The following RGS7 variants were observed in gnomAD, a reference collection of about 807,000 sequenced individuals.
RGS7 encodes regulator of G protein signaling 7, also known as regulator of G-protein signaling 7.
A neutral mutation model predicts 81.1 loss-of-function variants in RGS7; 27 were observed. The observed-to-expected ratio is 0.33, with a 90% CI of 0.25 to 0.46. The LOEUF is 0.46. RGS7 is among the 20% of genes least tolerant of loss of function. The pLI is 1.00. For missense variants in RGS7, 396 were observed against 607.4 expected (o/e 0.65, Z 3.66); for synonymous variants, 208 against 207.7 (o/e 1.00, Z -0.01).
At chr1:241,066,146 A>G (rs2030233) in intron 3 of RGS7, among the ~76,000 whole-genome samples, 3,047 of 152,332 alleles carry the variant, frequency 0.02, 54 homozygotes, top group South Asian at 0.049. Flanking sequence ...AACTACCAAC[A>G]TTATGGAATT....
intron 3 of RGS7, among the ~76,000 whole-genome samples, chr1:240,987,652 T>C (rs1489361176): frequency 6.6e-6 from 1 of 151,950 alleles, no homozygotes; most frequent in Non-Finnish European, 1.5e-5. Context: ...GCCTCCCAAG[T>C]AGCTGGGATT....
At chr1:240,803,101 G>A in intron 15 of RGS7, 108 bp from the exon 16 acceptor site, 1 of 769,152 alleles carries the variant, frequency 1.3e-6, no homozygotes, top group Non-Finnish European at 2.3e-6. Flanking sequence ...GCGAAAAATA[G>A]TAATAACAAT....
intron 6 of RGS7, among the ~76,000 whole-genome samples, chr1:240,871,365 C>T (rs545717386): frequency 1.3e-5 from 2 of 152,164 alleles, no homozygotes; most frequent in South Asian, 2.1e-4. Context: ...GCTGGTATCA[C>T]TAAGGAAACA....
At chr1:240,821,528 T>A (rs1011283561) in intron 10 of RGS7, among the ~76,000 whole-genome samples, 1 of 152,238 alleles carries the variant, frequency 6.6e-6, no homozygotes, top group Non-Finnish European at 1.5e-5. Flanking sequence ...CTATACCCTT[T>A]ACTTGACACA....
At chr1:240,977,351 CTG>C (rs1300353125) in intron 4 of RGS7, among the ~76,000 whole-genome samples, 6 of 152,098 alleles carry the variant, frequency 3.9e-5, no homozygotes, top group African/African-American at 1.2e-4. Context: ...GCAATTTATT[CTG>C]TGTTTTGCAT....
chr1:241,220,650 G>A (rs975402356), intron 2 of RGS7, among the ~76,000 whole-genome samples: 1 of 151,838 alleles, frequency 6.6e-6, no homozygotes, highest in African/African-American at 2.4e-5. Context: ...CTAACCTTGG[G>A]GCAGGTGGAC....
intron 5 of RGS7, among the ~76,000 whole-genome samples, chr1:240,935,189 TG>T (rs1333901439): frequency 6.6e-6 from 1 of 152,110 alleles, no homozygotes; most frequent in Non-Finnish European, 1.5e-5. Context: ...TGAGCCACTG[TG>T]CCCGGCCTCG....
At chr1:241,223,720 A>G (rs1368531323) in intron 2 of RGS7, among the ~76,000 whole-genome samples, 1 of 152,166 alleles carries the variant, frequency 6.6e-6, no homozygotes, top group Non-Finnish European at 1.5e-5. Context: ...CAAAAAAAAA[A>G]AAAGAAAGAA....
At chr1:241,350,088 G>A (rs1193788274) in intron 2 of RGS7, among the ~76,000 whole-genome samples, 1 of 152,156 alleles carries the variant, frequency 6.6e-6, no homozygotes, top group Non-Finnish European at 1.5e-5. Context: ...AATCCCACAA[G>A]TAGCACTGAC....
chr1:241,346,149 A>AT (rs1351017163), intron 2 of RGS7, among the ~76,000 whole-genome samples: 4 of 14,676 alleles, frequency 2.7e-4, no homozygotes, highest in East Asian at 0.1. Context: ...ATAAAATTTG[A>AT]TAAAAAAAAC....
intron 2 of RGS7, among the ~76,000 whole-genome samples, chr1:241,265,596 A>G (rs548319278): frequency 6.6e-6 from 1 of 152,244 alleles, no homozygotes; most frequent in South Asian, 2.1e-4. Flanking sequence ...TAGGTCAGAC[A>G]AGCAAACTAA....
chr1:240,780,882 C>G (rs1364739586), intron 18 of RGS7, among the ~76,000 whole-genome samples: 1 of 147,134 alleles, frequency 6.8e-6, no homozygotes, highest in East Asian at 2.0e-4. Flanking sequence ...CCACTGCACT[C>G]CAACCTGGGT....
chr1:241,243,081 A>C (rs1308512739), intron 2 of RGS7, among the ~76,000 whole-genome samples: 1 of 151,982 alleles, frequency 6.6e-6, no homozygotes, highest in Non-Finnish European at 1.5e-5. Flanking sequence ...CCCCAACCCA[A>C]CTTTGATTTC....
intron 2 of RGS7, among the ~76,000 whole-genome samples, chr1:241,352,178 A>G (rs554193513): frequency 6.6e-6 from 1 of 152,316 alleles, no homozygotes; most frequent in African/African-American, 2.4e-5. Context: ...AGATCCATCA[A>G]CACCAAATAA....
chr1:240,864,143 GACT>G (rs1662778222), intron 9 of RGS7, among the ~76,000 whole-genome samples: 1 of 152,160 alleles, frequency 6.6e-6, no homozygotes, highest in Non-Finnish European at 1.5e-5. Context: ...TGCGACACTG[GACT>G]ACGAGTTTTA....
rs1281050218 is a variant in RGS7 at position 240,930,680 on chromosome 1, G to A, written c.385+37C>T. 4 of 1,589,126 alleles carry A rather than the reference G, an allele frequency of 2.5e-6. No homozygotes were observed. In the Admixed American group the frequency reaches 5.0e-5, roughly 20 times the overall value. On this transcript the variant is annotated intron_variant, in intron 6 of 18. Transcript: ENST00000440928. The stretch of plus-strand genomic sequence containing the variant: ...AAGTACACATCCATCTACACATACA[G>A]GCTGTCAATAATAAAATAATGAGAG...
chr1:241,288,816 C>T (rs533152214), intron 2 of RGS7, among the ~76,000 whole-genome samples: 1 of 152,308 alleles, frequency 6.6e-6, no homozygotes, highest in South Asian at 2.1e-4. Context: ...GACTCCTCCT[C>T]AAACTCAAGC....
chr1:241,344,171 T>G (rs2082740979), intron 2 of RGS7, among the ~76,000 whole-genome samples: 1 of 152,206 alleles, frequency 6.6e-6, no homozygotes, highest in South Asian at 2.1e-4. Flanking sequence ...TTGTTGACAC[T>G]ATGTGATGTG....
chr1:241,250,589 T>C (rs575508816), intron 2 of RGS7, among the ~76,000 whole-genome samples: 3 of 152,286 alleles, frequency 2.0e-5, no homozygotes, highest in Admixed American at 6.5e-5. Context: ...CTTTCTCTCT[T>C]ACTCCTCCTA....
Sources: allele counts gnomAD v4.1 joint callset (sites outside exome capture counted in the v4.1 genomes callset), GRCh38; gene constraint gnomAD v4.1.1; transcripts MANE v1.5; gene names NCBI Gene and HGNC (gene_info 2026-07-23, HGNC 2026-07-21).